PRKAR1B: variants seen among roughly 807,000 people sequenced by gnomAD.
PRKAR1B encodes the protein protein kinase cAMP-dependent type I regulatory subunit beta.
Under a neutral mutation model 46.5 loss-of-function variants are expected in PRKAR1B, and 22 were observed. The observed-to-expected ratio is 0.47, with a 90% CI of 0.34 to 0.68. PRKAR1B has a LOEUF of 0.68. Ranked by LOEUF, PRKAR1B falls within the 30% of genes least tolerant of loss-of-function variation. The pLI, the probability that PRKAR1B is intolerant of heterozygous loss-of-function variation, is 0.01. For synonymous variants in PRKAR1B, 259 were observed against 217.7 expected, an observed-to-expected ratio of 1.19 and a Z score of -1.67; for missense variants, 445 against 535.6, an observed-to-expected ratio of 0.83 and a Z score of 1.67.
At chr7:658,026 A>G (rs1785302246) in intron 4 of PRKAR1B, among the ~76,000 whole-genome samples, 1 of 152,198 alleles carries the variant, frequency 6.6e-6, no homozygotes, top group South Asian at 2.1e-4. Flanking sequence ...GGCCCACGTC[A>G]GAAACACAGG....
At chr7:675,743 C>T (rs1432959158) in intron 4 of PRKAR1B, among the ~76,000 whole-genome samples, 3 of 151,994 alleles carry the variant, frequency 2.0e-5, no homozygotes, top group South Asian at 4.1e-4. Context: ...GTCAGGAGTT[C>T]GAGACCAGCC....
intron 6 of PRKAR1B, among the ~76,000 whole-genome samples, chr7:596,862 T>G (rs1781295437): frequency 6.6e-6 from 1 of 152,278 alleles, no homozygotes; most frequent in African/African-American, 2.4e-5. Context: ...AGACCTCTCC[T>G]GCCAGGGCCT....
intron 9 of PRKAR1B, among the ~76,000 whole-genome samples, chr7:573,034 C>T (rs898116590): frequency 2.0e-5 from 3 of 152,186 alleles, no homozygotes; most frequent in Non-Finnish European, 4.4e-5. Flanking sequence ...GGCCGGGCCC[C>T]GCCGCACCTG....
At chr7:615,825 C>CA (rs71016887) in intron 4 of PRKAR1B, among the ~76,000 whole-genome samples, 66,452 of 94,310 alleles carry the variant, frequency 0.7, 21,707 homozygotes, top group South Asian at 0.86. Flanking sequence ...AAGACTCCAT[C>CA]AAAAAAAAAA....
chr7:634,702 C>T (rs926758719), intron 4 of PRKAR1B, among the ~76,000 whole-genome samples: 3 of 150,822 alleles, frequency 2.0e-5, no homozygotes, highest in Non-Finnish European at 1.5e-5. Flanking sequence ...TGCAATGGAG[C>T]GATCTTGGCT....
intron 9 of PRKAR1B, among the ~76,000 whole-genome samples, chr7:558,553 C>T (rs548321172): frequency 5.3e-5 from 8 of 151,788 alleles, no homozygotes; most frequent in South Asian, 2.1e-4. Flanking sequence ...GTCAGTAGTT[C>T]GAGGCCAGCC....
intron 4 of PRKAR1B, among the ~76,000 whole-genome samples, chr7:650,579 C>T (rs564347541): frequency 5.9e-5 from 9 of 152,340 alleles, no homozygotes; most frequent in East Asian, 1.9e-4. Context: ...CCCCTGCACA[C>T]GTCCCGCCAT....
At chr7:552,022 T>TC (rs749346516) in intron 9 of PRKAR1B, among the ~76,000 whole-genome samples, 1 of 55,950 alleles carries the variant, frequency 1.8e-5, no homozygotes, top group Non-Finnish European at 3.3e-5. Context: ...CAGGTCCTTC[T>TC]CCAGAGCTAC....
In PRKAR1B at chr7:622,723, G is replaced by A. The variant is rs183390383; in HGVS notation, c.441-15271C>T. Among the ~76,000 whole-genome samples the A allele has an allele frequency of 1.6e-3, 244 of 152,286 alleles. 2 individuals carry two copies. The highest frequency in any genetic ancestry group is 5.2e-3 in the African/African-American group (217 of 41,556). On this transcript the variant is annotated intron_variant, in intron 4 of 10. Transcript: ENST00000537384. ...AGAATGTGCATATGTGTATTGACAAGGAGCAGACGGGAATGATGAGTGAAG... is the reference window on the plus strand; with the variant it reads ...AGAATGTGCATATGTGTATTGACAAAGAGCAGACGGGAATGATGAGTGAAG...
chr7:672,275 T>C (rs1273952390), intron 4 of PRKAR1B, among the ~76,000 whole-genome samples: 6 of 152,010 alleles, frequency 3.9e-5, no homozygotes, highest in Admixed American at 3.9e-4. Context: ...CTCAGTCTCC[T>C]GAGTAGCTGG....
At chr7:615,694 G>A (rs1369039323) in intron 4 of PRKAR1B, among the ~76,000 whole-genome samples, 3 of 150,514 alleles carry the variant, frequency 2.0e-5, no homozygotes, top group Non-Finnish European at 1.5e-5. Context: ...CGGGCGTGGT[G>A]GCAGGCGCCT....
intron 4 of PRKAR1B, among the ~76,000 whole-genome samples, chr7:614,749 T>C (rs1782709674): frequency 6.6e-6 from 1 of 152,086 alleles, no homozygotes; most frequent in African/African-American, 2.4e-5. Context: ...CTGTCTCTAC[T>C]GAAAATACAA....
chr7:581,295 T>C (rs1298063246), intron 8 of PRKAR1B, among the ~76,000 whole-genome samples: 1 of 116,532 alleles, frequency 8.6e-6, no homozygotes, highest in African/African-American at 3.7e-5. Context: ...AGAGCAACAC[T>C]CTGTCTCAAA....
rs148764802 is a variant in PRKAR1B, at chr7:683,998, C to T, written c.178-3272G>A. On this transcript the variant is annotated intron_variant, in intron 2 of 10. Transcript: ENST00000537384. The stretch of plus-strand genomic sequence containing the variant: ...GTGCCAATGCCCACTTCTGCATATG[C>T]CAACGCCTACCTCCACATGCACCAA... Among the ~76,000 whole-genome samples the T allele has an allele frequency of 2.9e-3, 437 of 150,720 alleles. 3 individuals carry two copies. The highest frequency in any genetic ancestry group is 0.01 in the African/African-American group (422 of 40,958).
chr7:559,476 A>G lies in PRKAR1B; in HGVS notation c.892-8006T>C, dbSNP rs1187556223. Among the ~76,000 whole-genome samples the G allele has an allele frequency of 2.0e-5, 3 of 152,260 alleles. No individual in the cohort carries two copies. The East Asian group carries it at 5.8e-4, about 29-fold the overall frequency. ...GTCGCACTTCCCCATGCCCGGCAGG[A>G]GCCCCGAGTGGTGCAGGAAGGGCTC... On this transcript the variant is annotated intron_variant, in intron 9 of 10. Coordinates refer to ENST00000537384, the MANE Select transcript of PRKAR1B (RefSeq NM_001164760.2).
At chr7:554,837 GGGA>G (rs1778322624) in intron 9 of PRKAR1B, among the ~76,000 whole-genome samples, 1 of 151,958 alleles carries the variant, frequency 6.6e-6, no homozygotes, top group Admixed American at 6.6e-5. Flanking sequence ...CGGAAGACAG[GGGA>G]GGCCACGGAT....
intron 4 of PRKAR1B, among the ~76,000 whole-genome samples, chr7:673,060 A>C (rs1235561915): frequency 4.5e-5 from 6 of 133,944 alleles, no homozygotes; most frequent in East Asian, 2.0e-4. Flanking sequence ...AAAAAAAAAA[A>C]AAAAAAAAAA....
intron 9 of PRKAR1B, among the ~76,000 whole-genome samples, chr7:562,438 C>T (rs1348373011): frequency 1.3e-5 from 2 of 152,206 alleles, no homozygotes; most frequent in Non-Finnish European, 2.9e-5. Context: ...GTCCACAGGA[C>T]TCCTCCCAGA....
chr7:650,974 C>T (rs1168529695), intron 4 of PRKAR1B, among the ~76,000 whole-genome samples: 2 of 152,158 alleles, frequency 1.3e-5, no homozygotes, highest in Non-Finnish European at 1.5e-5. Context: ...CAGTCCTAAG[C>T]ATCATCACCT....
Sources: allele counts gnomAD v4.1 joint callset (sites outside exome capture counted in the v4.1 genomes callset), GRCh38; gene constraint gnomAD v4.1.1; transcripts MANE v1.5; gene names NCBI Gene and HGNC (gene_info 2026-07-23, HGNC 2026-07-21).